Variants in TSPAN19 observed in about 807,000 individuals in gnomAD.
TSPAN19 encodes tetraspanin 19, also known as tetraspanin-19.
Under a neutral mutation model 35.1 loss-of-function variants are expected in TSPAN19, and 44 were observed. That is an observed-to-expected ratio of 1.25 (90% CI 0.98 to 1.61). TSPAN19 has a LOEUF of 1.61. TSPAN19 is among the 40% of genes most tolerant of loss of function. TSPAN19 has a pLI of 0.00. For missense variants in TSPAN19, 290 were observed against 280.0 expected, an observed-to-expected ratio of 1.04 and a Z score of -0.26; for synonymous variants, 79 against 92.0, an observed-to-expected ratio of 0.86 and a Z score of 0.81.
chr12:85,019,815 A>C lies in TSPAN19; in HGVS notation c.340-79T>G, dbSNP rs1877026011. 3 of 684,340 alleles carry C rather than the reference A, an allele frequency of 4.4e-6. No homozygotes were observed. The Admixed American group carries it at 8.2e-5, about 19-fold the overall frequency. 42.4% of individuals were successfully genotyped at this position (684,340 alleles called of 1,614,324 possible). A position where few individuals can be genotyped will look rare whatever the true frequency, so the allele number is the denominator to read the frequency against. The stretch of plus-strand genomic sequence containing the variant: ...TTTCATAGAAATTGATGGTTCCTCA[A>C]GAGTACCATCATGAAAAGAATATTC... On this transcript the variant is annotated intron_variant, in intron 5 of 8. Coordinates refer to ENST00000532498, the MANE Select transcript of TSPAN19 (RefSeq NM_001100917.2).
chr12:85,028,405 G>A (rs1041736729), intron 3 of TSPAN19, among the ~76,000 whole-genome samples: 2 of 152,098 alleles, frequency 1.3e-5, no homozygotes, highest in African/African-American at 4.8e-5. Flanking sequence ...GTGTGAGTTA[G>A]ATGTATACAC....
rs149281540 is a variant in TSPAN19 at position 85,021,425 on chromosome 12, T to C, written c.340-1689A>G. 4.1e-4 allele frequency among the ~76,000 whole-genome samples: 62 copies of C among 152,226 alleles called. 1 individual carries two copies. Among genetic ancestry groups the C allele is most frequent in the African/African-American group, 1.3e-3 (56 of 41,586 alleles). ...AATAATGAAAAGGAGATTTTAGATC[T>C]ACTTTATACTCTGTTCATTTTTATT... On this transcript the variant is annotated intron_variant, in intron 5 of 8. Coordinates refer to ENST00000532498, the MANE Select transcript of TSPAN19 (RefSeq NM_001100917.2).
intron 4 of TSPAN19, chr12:85,024,560 T>G: frequency 6.6e-6 from 1 of 152,148 alleles, no homozygotes; most frequent in East Asian, 1.9e-4. Context: ...GGCAGATCAC[T>G]TTAGATCAGG....
intron 7 of TSPAN19, chr12:85,017,073 C>T: frequency 5.2e-6 from 1 of 193,648 alleles, no homozygotes; most frequent in Non-Finnish European, 1.0e-5. Context: ...CTGGGGTCCA[C>T]TCCCTTTAGT....
At chr12:85,022,643 A>T (rs1040375214) in intron 5 of TSPAN19, among the ~76,000 whole-genome samples, 24 of 151,966 alleles carry the variant, frequency 1.6e-4, no homozygotes, top group African/African-American at 5.8e-4. Context: ...AACCATATTC[A>T]TATCTGTATG....
At chr12:85,021,285 G>T (rs1395832510) in intron 5 of TSPAN19, among the ~76,000 whole-genome samples, 2 of 151,770 alleles carry the variant, frequency 1.3e-5, no homozygotes, top group African/African-American at 2.4e-5. Context: ...TGCTGTCTTT[G>T]ACAATAAAAA....
intron 1 of TSPAN19, 32 bp downstream of exon 1, chr12:85,036,172 T>G (rs753157285): frequency 9.9e-5 from 15 of 152,210 alleles, no homozygotes; most frequent in South Asian, 4.1e-4. Context: ...TTATTAAGTA[T>G]TTTCCAAAGT....
chr12:85,026,592 T>C (rs1877426366), intron 4 of TSPAN19, among the ~76,000 whole-genome samples: 1 of 152,098 alleles, frequency 6.6e-6, no homozygotes, highest in Non-Finnish European at 1.5e-5. Context: ...TAGAAATTAC[T>C]ATTAATAGGA....
intron 7 of TSPAN19, 109 bp downstream of exon 7, chr12:85,017,347 G>A (rs912505823): frequency 2.8e-5 from 28 of 1,008,218 alleles, no homozygotes; most frequent in African/African-American, 8.3e-5. Flanking sequence ...TGTAGCCACC[G>A]TCAACAACAT....
At chr12:85,033,930 T>C (rs2135821688) in intron 1 of TSPAN19, among the ~76,000 whole-genome samples, 1 of 152,258 alleles carries the variant, frequency 6.6e-6, no homozygotes, top group East Asian at 1.9e-4. Context: ...GGCTAGAATC[T>C]CGTTATATCA....
At chr12:85,023,029 A>G (rs1877204410) in intron 5 of TSPAN19, among the ~76,000 whole-genome samples, 1 of 152,094 alleles carries the variant, frequency 6.6e-6, no homozygotes, top group Non-Finnish European at 1.5e-5. Context: ...AGGAGAAGGT[A>G]AAAATTTGAA....
intron 1 of TSPAN19, among the ~76,000 whole-genome samples, chr12:85,031,283 C>T (rs1225712148): frequency 6.6e-6 from 1 of 152,092 alleles, no homozygotes; most frequent in Non-Finnish European, 1.5e-5. Flanking sequence ...ATGGGACGCT[C>T]AGTTGGAAAG....
intron 6 of TSPAN19, among the ~76,000 whole-genome samples, chr12:85,018,944 T>C (rs922096457): frequency 2.0e-5 from 3 of 151,886 alleles, no homozygotes; most frequent in Non-Finnish European, 2.9e-5. Context: ...ATTGGGCACT[T>C]ATTATATTCC....
At chr12:85,035,224 C>A (rs149945044) in intron 1 of TSPAN19, 2 of 152,112 alleles carry the variant, frequency 1.3e-5, no homozygotes, top group Non-Finnish European at 2.9e-5. Flanking sequence ...TACCACTGCA[C>A]TCCAGCCTGG....
chr12:85,030,003 T>A, intron 1 of TSPAN19, 30 bp from the exon 2 acceptor site: 1 of 1,340,842 alleles, frequency 7.5e-7, no homozygotes, highest in Non-Finnish European at 1.0e-6. Context: ...TTTTTAAACA[T>A]TCTACACAAC....
chr12:85,019,490 CCT>C, intron 6 of TSPAN19, 134 bp downstream of exon 6: 1 of 563,458 alleles, frequency 1.8e-6, no homozygotes, highest in Non-Finnish European at 3.2e-6. Flanking sequence ...TGGAGAATGC[CCT>C]TTTTGCCCAG....
At chr12:85,015,209 T>C (rs1439122692) in intron 8 of TSPAN19, 1 of 151,944 alleles carries the variant, frequency 6.6e-6, no homozygotes, top group Non-Finnish European at 1.5e-5. Context: ...ACACTCTATT[T>C]ACTCTCAAAG....
In TSPAN19 at chr12:85,027,971, T is replaced by C. The variant is rs371533097; in HGVS notation, c.192A>G (p.Gly64=). Residue 64 remains glycine (G), a synonymous_variant, in exon 4 of 9, where the codon GGA becomes GGG. Transcript: ENST00000532498. ...ATAGACAAAAAAGAACAGTAGAAGA[T>C]CCCATTCCAATCAAAATTTGAGAAA... is the stretch of plus-strand genomic sequence containing the variant. ...VPISQILIGM[G]SSTVLFCLLG... is the part of the protein sequence containing the mutation. The C allele has an allele frequency of 6.2e-7, 1 of 1,601,118 alleles. No homozygotes were observed. The highest frequency in any genetic ancestry group is 8.5e-7 in the Non-Finnish European group (1 of 1,172,892).
Position 85,028,154 on chromosome 12 carries a change from TTC to T in TSPAN19, c.140-133_140-132del, listed in dbSNP as rs374235018. 2.0e-3 allele frequency: 1,316 copies of T among 666,934 alleles called. 21 individuals are homozygous for T. The African/African-American group carries it at 0.023, about 11-fold the overall frequency. 41.3% of individuals were successfully genotyped at this position (666,934 alleles called of 1,614,324 possible). ...AGCAGCTGTTGCCAAACCACTAGGATTCTCTGTCTCTCTCTGTCTCTCAATTT... is the reference window on the plus strand; with the variant it reads ...AGCAGCTGTTGCCAAACCACTAGGATTCTGTCTCTCTCTGTCTCTCAATTT... On this transcript the variant is annotated intron_variant, in intron 3 of 8. Coordinates refer to ENST00000532498, the MANE Select transcript of TSPAN19 (RefSeq NM_001100917.2).
Sources: allele counts gnomAD v4.1 joint callset (sites outside exome capture counted in the v4.1 genomes callset), GRCh38; gene constraint gnomAD v4.1.1; transcripts MANE v1.5; gene names NCBI Gene and HGNC (gene_info 2026-07-23, HGNC 2026-07-21).